The following SLC39A11 variants were observed in gnomAD, a reference collection of about 807,000 sequenced individuals.
SLC39A11 encodes the protein zinc transporter ZIP11.
In SLC39A11, 33 loss-of-function variants were observed where a neutral mutation model predicts 36.1. The ratio of observed to expected loss-of-function variants is 0.91; its 90% CI spans 0.69 to 1.22. The LOEUF (loss-of-function observed/expected upper bound fraction) is 1.22, where lower values mean the gene tolerates loss of function less well. Ranked by LOEUF, SLC39A11 falls within the 50% of genes most tolerant of loss-of-function variation. The pLI is 0.00. For synonymous variants in SLC39A11, 166 were observed against 170.3 expected (o/e 0.97, Z 0.20); for missense variants, 432 against 430.3 (o/e 1.00, Z -0.03).
chr17:72,870,229 T>C (rs891602985), intron 5 of SLC39A11, among the ~76,000 whole-genome samples: 1 of 152,190 alleles, frequency 6.6e-6, no homozygotes, highest in African/African-American at 2.4e-5. Context: ...TGGAACTCTC[T>C]GGTTTCTATG....
chr17:73,031,749 C>A, intron 3 of SLC39A11, 35 bp from the exon 4 acceptor site: 1 of 1,607,842 alleles, frequency 6.2e-7, no homozygotes, highest in Non-Finnish European at 8.5e-7. Context: ...AACGTTAAAG[C>A]AACTGCAGAA....
intron 7 of SLC39A11, among the ~76,000 whole-genome samples, chr17:72,714,719 C>T (rs1041179420): frequency 4.6e-5 from 7 of 152,318 alleles, no homozygotes; most frequent in Admixed American, 3.9e-4. Context: ...GACCAGAGAA[C>T]ACCACCTTTT....
chr17:72,723,360 C>G (rs1226103820), intron 7 of SLC39A11, among the ~76,000 whole-genome samples: 17 of 134,822 alleles, frequency 1.3e-4, no homozygotes, highest in Non-Finnish European at 4.6e-5. Context: ...GTGTTTGCAG[C>G]CTAGCTGTCA....
chr17:72,749,765 C>G (rs1000959404), intron 6 of SLC39A11, among the ~76,000 whole-genome samples: 2 of 152,096 alleles, frequency 1.3e-5, no homozygotes, highest in Non-Finnish European at 2.9e-5. Context: ...TCACTGGTCA[C>G]AGGGATCTCT....
chr17:72,907,873 A>G (rs2082741862), intron 5 of SLC39A11, among the ~76,000 whole-genome samples: 1 of 152,214 alleles, frequency 6.6e-6, no homozygotes, highest in Non-Finnish European at 1.5e-5. Context: ...GCAGTCACCA[A>G]AGCGGGGCGT....
chr17:72,897,733 G>T lies in SLC39A11; in HGVS notation c.431-47929C>A, dbSNP rs564246627. ...AAATCCAAGCTTCAAAAGCTAACCT[G>T]CATGCCTGTGCCTATTAGAGGGAAA... On this transcript the variant is annotated intron_variant, in intron 5 of 9. Transcript: ENST00000255559. 7.9e-5 allele frequency among the ~76,000 whole-genome samples: 12 copies of T among 152,298 alleles called. No homozygotes were observed. In the South Asian group the frequency reaches 2.5e-3, roughly 32 times the overall value.
intron 6 of SLC39A11, among the ~76,000 whole-genome samples, chr17:72,776,883 C>T (rs917626538): frequency 4.6e-5 from 7 of 152,330 alleles, no homozygotes; most frequent in Non-Finnish European, 8.8e-5. Context: ...AAGTCCCCTC[C>T]TGCCTTAACC....
Position 72,646,752 on chromosome 17 carries a change from T to G in SLC39A11, c.*832A>C, listed in dbSNP as rs1381669917. The G allele has an allele frequency of 6.6e-6, 1 of 152,604 alleles. No individual in the cohort carries two copies. The highest frequency in any genetic ancestry group is 1.5e-5 in the Non-Finnish European group (1 of 68,032). The allele number at this position is 152,604 out of a possible 1,614,324, so 9.5% of individuals were successfully genotyped here. A position where few individuals can be genotyped will look rare whatever the true frequency, so the allele number is the denominator to read the frequency against. On this transcript the variant is annotated 3_prime_UTR_variant, in exon 10 of 10. Coordinates refer to ENST00000255559, the MANE Select transcript of SLC39A11 (RefSeq NM_139177.4). ...GGTGTCTCCAAGTCTCTTAGAAACA[T>G]GATGGCTATAAACTTATCAAAATAA...
chr17:72,902,131 C>T (rs530386985), intron 5 of SLC39A11, among the ~76,000 whole-genome samples: 51 of 152,072 alleles, frequency 3.4e-4, no homozygotes, highest in African/African-American at 9.4e-4. Context: ...ATTAGCCAGG[C>T]GTGGTGGCAC....
At chr17:73,090,366 C>T (rs1460448282) in intron 1 of SLC39A11, among the ~76,000 whole-genome samples, 1 of 152,056 alleles carries the variant, frequency 6.6e-6, no homozygotes, top group Non-Finnish European at 1.5e-5. Context: ...ACGAACTGCA[C>T]CAACTGTGAA....
chr17:73,031,771 C>G, intron 3 of SLC39A11, 57 bp from the exon 4 acceptor site: 1 of 1,573,868 alleles, frequency 6.4e-7, no homozygotes, highest in Non-Finnish European at 8.7e-7. Context: ...GCTTTCCAGG[C>G]AGGACCTCAG....
intron 3 of SLC39A11, among the ~76,000 whole-genome samples, chr17:73,063,808 C>T (rs2059918352): frequency 6.6e-6 from 1 of 152,142 alleles, no homozygotes; most frequent in Admixed American, 6.5e-5. Context: ...ATACTCTCCC[C>T]CACACAGAAA....
At chr17:72,747,692 C>T (rs1461608726) in intron 6 of SLC39A11, among the ~76,000 whole-genome samples, 1 of 152,214 alleles carries the variant, frequency 6.6e-6, no homozygotes, top group African/African-American at 2.4e-5. Context: ...GGGAGACTAG[C>T]TGGCTGATGA....
intron 6 of SLC39A11, among the ~76,000 whole-genome samples, chr17:72,802,705 G>A (rs1253433850): frequency 2.0e-5 from 3 of 152,156 alleles, no homozygotes; most frequent in African/African-American, 4.8e-5. Flanking sequence ...GCGTGGTGGG[G>A]AATAGGGGCT....
chr17:72,931,183 G>A (rs1328947572), intron 5 of SLC39A11, among the ~76,000 whole-genome samples: 1 of 152,304 alleles, frequency 6.6e-6, no homozygotes, highest in East Asian at 1.9e-4. Context: ...GGTACAGAGA[G>A]AGCTGCAAAG....
At chr17:72,786,887 T>C (rs549483284) in intron 6 of SLC39A11, among the ~76,000 whole-genome samples, 8 of 152,320 alleles carry the variant, frequency 5.3e-5, no homozygotes, top group African/African-American at 1.9e-4. Context: ...TGGCGCAATC[T>C]TGGCTCATTG....
intron 7 of SLC39A11, among the ~76,000 whole-genome samples, chr17:72,660,764 G>GT (rs1491108270): frequency 6.6e-6 from 1 of 152,134 alleles, no homozygotes; most frequent in Non-Finnish European, 1.5e-5. Context: ...ATTTCACACC[G>GT]TGAGTTCCTT....
chr17:72,702,766 G>A (rs1458910573), intron 7 of SLC39A11, among the ~76,000 whole-genome samples: 2 of 151,560 alleles, frequency 1.3e-5, no homozygotes, highest in East Asian at 1.9e-4. Context: ...GTGAAACTCC[G>A]TCTCTACTAA....
At chr17:72,706,239 T>C (rs1332142555) in intron 7 of SLC39A11, among the ~76,000 whole-genome samples, 2 of 152,202 alleles carry the variant, frequency 1.3e-5, no homozygotes, top group East Asian at 1.9e-4. Flanking sequence ...ATTTAGAAAC[T>C]TGAGTCTCTG....
Sources: allele counts gnomAD v4.1 joint callset (sites outside exome capture counted in the v4.1 genomes callset), GRCh38; gene constraint gnomAD v4.1.1; transcripts MANE v1.5; gene names NCBI Gene and HGNC (gene_info 2026-07-23, HGNC 2026-07-21).